The following PCDHA2 variants were observed in gnomAD, a reference collection of about 807,000 sequenced individuals.
The protein encoded by PCDHA2 is protocadherin alpha 2.
In PCDHA2, 58 loss-of-function variants were observed where a neutral mutation model predicts 66.0. That is an observed-to-expected ratio of 0.88 (90% CI 0.71 to 1.09). The LOEUF (loss-of-function observed/expected upper bound fraction) is 1.09. Ranked by LOEUF, PCDHA2 falls within the 50% of genes least tolerant of loss-of-function variation. The probability of loss-of-function intolerance (pLI) is 0.00; values close to 1 mark genes in which losing one functional copy is unlikely to be tolerated. For synonymous variants in PCDHA2, 634 were observed against 554.0 expected (o/e 1.14, Z -2.03); for missense variants, 1,267 against 1,242.3 (o/e 1.02, Z -0.30).
chr5:140,977,335 A>T (rs1341928835), intron 1 of PCDHA2, among the ~76,000 whole-genome samples: 19 of 152,322 alleles, frequency 1.2e-4, no homozygotes, highest in Admixed American at 1.1e-3. Context: ...GAGGGGAGAG[A>T]CGGTGATGAT....
intron 1 of PCDHA2, chr5:140,876,809 C>T (rs1554168959): frequency 6.2e-7 from 1 of 1,614,200 alleles, no homozygotes; most frequent in Admixed American, 1.7e-5. Flanking sequence ...GTGGAGGTGG[C>T]CGACGTGAAC....
Position 140,841,862 on chromosome 5 carries a change from G to C in PCDHA2, c.2388+44510G>C, listed in dbSNP as rs145069696. 3.2e-4 allele frequency: 514 copies of C among 1,613,850 alleles called. 1 individual carries two copies. The highest frequency in any genetic ancestry group is 2.6e-3 in the Middle Eastern group (16 of 6,062). On this transcript the variant is annotated intron_variant, in intron 1 of 3. Transcript: ENST00000526136. ...TAGCTCTCATGATTACTTCATGCTA[G>C]ATGTGAATTCAAAGAACGATGAGAA...
At chr5:140,854,958 C>T (rs1554147522) in intron 1 of PCDHA2, among the ~76,000 whole-genome samples, 2 of 149,742 alleles carry the variant, frequency 1.3e-5, no homozygotes, top group African/African-American at 2.4e-5. Context: ...TTCTTAATTA[C>T]TTTATTCAGA....
chr5:140,845,591 A>G (rs1416942970), intron 1 of PCDHA2, among the ~76,000 whole-genome samples: 2 of 149,444 alleles, frequency 1.3e-5, no homozygotes, highest in African/African-American at 4.9e-5. Context: ...AATGTGTCAG[A>G]AGTTAGTTAT....
intron 3 of PCDHA2, among the ~76,000 whole-genome samples, chr5:140,984,755 A>G (rs1554246508): frequency 6.6e-6 from 1 of 152,172 alleles, no homozygotes; most frequent in Admixed American, 6.5e-5. Flanking sequence ...TTTGAGTTGA[A>G]TTCTAATCCC....
chr5:140,979,186 C>T, intron 2 of PCDHA2, 179 bp downstream of exon 2: 2 of 914,118 alleles, frequency 2.2e-6, no homozygotes, highest in Non-Finnish European at 2.6e-6. Context: ...ATGGTCAGTG[C>T]CAGATGCTTA....
chr5:140,843,164 G>T, intron 1 of PCDHA2: 1 of 1,596,104 alleles, frequency 6.3e-7, no homozygotes. Flanking sequence ...GCAGCCAGCT[G>T]CAAGCAGCCC....
intron 1 of PCDHA2, chr5:140,884,065 C>G (rs377441374): frequency 1.1e-5 from 17 of 1,613,346 alleles, no homozygotes; most frequent in Admixed American, 6.7e-5. Flanking sequence ...CGGTGGACGC[C>G]GATTCGGGCT....
intron 1 of PCDHA2, chr5:140,870,529 G>A (rs2052113654): frequency 6.2e-7 from 1 of 1,614,096 alleles, no homozygotes. Context: ...CATCTTCACA[G>A]TGTCGGCGCG....
Position 140,927,948 on chromosome 5 carries a change from C to T in PCDHA2, c.2389-51001C>T, listed in dbSNP as rs1012110026. The T allele has an allele frequency of 4.3e-6, 7 of 1,614,072 alleles. No homozygotes were observed. In the African/African-American group the frequency reaches 5.3e-5, roughly 12 times the overall value. On this transcript the variant is annotated intron_variant, in intron 1 of 3. Transcript: ENST00000526136. The stretch of plus-strand genomic sequence containing the variant: ...CTCTTTCGAACCCAGTACCTGAGGA[C>T]GCTGCCCCTGGCACAGTGATTGCTC...
chr5:140,839,001 C>T (rs1775989279), intron 1 of PCDHA2, among the ~76,000 whole-genome samples: 1 of 151,970 alleles, frequency 6.6e-6, no homozygotes, highest in Admixed American at 6.6e-5. Context: ...TTCTAATATA[C>T]TTTAGTAAAT....
At chr5:140,837,492 T>A (rs1775076857) in intron 1 of PCDHA2, among the ~76,000 whole-genome samples, 1 of 140,282 alleles carries the variant, frequency 7.1e-6, no homozygotes, top group Non-Finnish European at 1.5e-5. Flanking sequence ...TTACTTTACC[T>A]TTCTGAATTT....
chr5:140,924,715 C>A (rs1258622619), intron 1 of PCDHA2, among the ~76,000 whole-genome samples: 3 of 151,692 alleles, frequency 2.0e-5, no homozygotes, highest in Non-Finnish European at 4.4e-5. Flanking sequence ...TGCAACATGG[C>A]GAAACCTCAC....
At chr5:140,937,020 G>A (rs2091265832) in intron 1 of PCDHA2, among the ~76,000 whole-genome samples, 1 of 151,388 alleles carries the variant, frequency 6.6e-6, no homozygotes. Flanking sequence ...CGATTAACAA[G>A]GTATATTCTT....
At chr5:140,900,956 C>G (rs2068392622) in intron 1 of PCDHA2, among the ~76,000 whole-genome samples, 1 of 152,160 alleles carries the variant, frequency 6.6e-6, no homozygotes, top group African/African-American at 2.4e-5. Flanking sequence ...CTCTGATTAT[C>G]AGTGATGTTG....
At chr5:140,810,535 G>A (rs1054108701) in intron 1 of PCDHA2, 1 of 152,134 alleles carries the variant, frequency 6.6e-6, no homozygotes, top group Non-Finnish European at 1.5e-5. Flanking sequence ...GGTGACTTTT[G>A]TAATCTCATT....
chr5:140,800,391 TA>T (rs1562174918), intron 1 of PCDHA2, among the ~76,000 whole-genome samples: 1 of 152,122 alleles, frequency 6.6e-6, no homozygotes, highest in African/African-American at 2.4e-5. Flanking sequence ...TCTACAAATT[TA>T]AAAAACCATA....
In PCDHA2 at chr5:140,834,549, C is replaced by G. The variant is rs782435489; in HGVS notation, c.2388+37197C>G. 3 of 1,614,074 alleles carry G rather than the reference C, an allele frequency of 1.9e-6. No individual in the cohort carries two copies. Among genetic ancestry groups the G allele is most frequent in the Non-Finnish European group, 2.5e-6 (3 of 1,180,034 alleles). On this transcript the variant is annotated intron_variant, in intron 1 of 3. Transcript: ENST00000526136. ...CATCGCGCAGGACCTGGGGCTGGAG[C>G]TGGCGGAGCTGGTGCCGCGCCTGTT...
chr5:140,889,029 G>A (rs540289378), intron 1 of PCDHA2, among the ~76,000 whole-genome samples: 8 of 151,946 alleles, frequency 5.3e-5, no homozygotes, highest in African/African-American at 1.2e-4. Flanking sequence ...TTGGATAACC[G>A]TAATTTGATT....
Sources: gnomAD v4.1 joint callset for allele counts (sites outside exome capture counted in the v4.1 genomes callset) on GRCh38, gnomAD v4.1.1 for gene constraint, MANE v1.5 for transcripts, NCBI Gene and HGNC (gene_info 2026-07-23, HGNC 2026-07-21) for gene names.